The following TREH variants were observed in gnomAD, a reference collection of about 807,000 sequenced individuals.
TREH encodes the protein trehalase, also known as alpha,alpha-trehalose glucohydrolase.
In TREH, 69 loss-of-function variants were observed where a neutral mutation model predicts 80.5. The ratio of observed to expected loss-of-function variants is 0.86; its 90% CI spans 0.71 to 1.05. TREH has a LOEUF of 1.05. Ranked by LOEUF, TREH falls within the 50% of genes least tolerant of loss-of-function variation. The pLI is 0.00. For missense variants in TREH, 716 were observed against 718.8 expected (o/e 1.00, Z 0.04); for synonymous variants, 309 against 293.5 (o/e 1.05, Z -0.54).
At position 118,658,980 on chromosome 11, in the gene TREH, C is replaced by T. The variant is rs368389111; in HGVS notation, c.1470G>A (p.Val490=). 88 of 1,613,790 alleles carry T rather than the reference C, an allele frequency of 5.5e-5. No homozygotes were observed. Among genetic ancestry groups the T allele is most frequent in the Non-Finnish European group, 7.4e-5 (87 of 1,179,890 alleles). ...TCCAATTCTGAGCCAGCTGGAAAGCCACTTCCTGGGCCCGACGTAAAGGTG... is the reference window on the plus strand; with the variant it reads ...TCCAATTCTGAGCCAGCTGGAAAGCTACTTCCTGGGCCCGACGTAAAGGTG... ...AKAPLRRAQE[V]AFQLAQNWIR... is the part of the protein sequence containing the mutation. Residue 490 remains valine (V), a synonymous_variant, in exon 13 of 15, where the codon GTG becomes GTA. Coordinates refer to ENST00000264029, the MANE Select transcript of TREH (RefSeq NM_007180.3).
In TREH at chr11:118,663,189, G is replaced by C; in HGVS notation, c.198C>G (p.Val66=). ...DMPLSIAPEQ[V]LQTFTELSRD... is the part of the protein sequence containing the mutation. ...TGGACAGCTCAGTGAAGGTCTGCAG[G>C]ACTTGTTCTGGAGAGCAGGCAGCAG... The change falls in exon 3 of 15, where the codon GTC becomes GTG. Residue 66 remains valine (V), a synonymous_variant. Transcript: ENST00000264029. The C allele has an allele frequency of 6.2e-7, 1 of 1,609,136 alleles. No individual in the cohort carries two copies. The highest frequency in any genetic ancestry group is 8.5e-7 in the Non-Finnish European group (1 of 1,177,656).
intron 1 of TREH, among the ~76,000 whole-genome samples, chr11:118,675,491 A>T (rs1423880421): frequency 6.6e-6 from 1 of 152,096 alleles, no homozygotes; most frequent in African/African-American, 2.4e-5. Flanking sequence ...TGCTAGAACA[A>T]CTCACAGGAC....
Position 118,659,913 on chromosome 11 carries a change from G to A in TREH, c.1154C>T (p.Ala385Val). ...KYRILRSQRL[A>V]ALNTVLWDEQ... ...ATCCCACAGGACTGTGTTCAGGGCG[G>A]CCAAGCGCTGCGACCGCAGGATTCT... The change falls in exon 11 of 15, where the codon GCC (alanine) becomes GTC (valine). Residue 385 changes from alanine (A) to valine (V), a missense_variant. By Grantham distance (64) the Ala-to-Val change is moderately conservative (BLOSUM62 0). Coordinates refer to ENST00000264029, the MANE Select transcript of TREH (RefSeq NM_007180.3). 6.4e-7 allele frequency: 1 copy of A among 1,551,730 alleles called. No homozygotes were observed. Among genetic ancestry groups the A allele is most frequent in the South Asian group, 1.2e-5 (1 of 84,066 alleles).
intron 1 of TREH, among the ~76,000 whole-genome samples, chr11:118,664,117 G>C (rs1213372912): frequency 6.6e-6 from 1 of 152,164 alleles, no homozygotes; most frequent in Admixed American, 6.5e-5. Flanking sequence ...TCAGGAGCAG[G>C]AAGCCTCTTT....
chr11:118,675,698 ATTTGT>A (rs1305871593), intron 1 of TREH, among the ~76,000 whole-genome samples: 2 of 151,824 alleles, frequency 1.3e-5, no homozygotes, highest in Non-Finnish European at 2.9e-5. Flanking sequence ...CTTGGTATTT[ATTTGT>A]TTTATTTGTT....
intron 1 of TREH, among the ~76,000 whole-genome samples, chr11:118,679,200 G>C (rs986256238): frequency 5.3e-5 from 8 of 152,118 alleles, no homozygotes; most frequent in Non-Finnish European, 1.2e-4. Context: ...GGCTGGGCGT[G>C]GTGGTGCATG....
chr11:118,664,385 T>C (rs1414902596), intron 1 of TREH, among the ~76,000 whole-genome samples: 9 of 152,244 alleles, frequency 5.9e-5, no homozygotes, highest in African/African-American at 2.2e-4. Flanking sequence ...AAAGCCCCTG[T>C]GTTTGGGTTT....
chr11:118,667,491 G>C (rs2137274952), intron 1 of TREH, among the ~76,000 whole-genome samples: 1 of 152,278 alleles, frequency 6.6e-6, no homozygotes, highest in South Asian at 2.1e-4. Flanking sequence ...ATGTGGGCCA[G>C]CATGCCCAGC....
intron 11 of TREH, 124 bp from the exon 12 acceptor site, chr11:118,659,605 G>A: frequency 7.4e-7 from 1 of 1,345,008 alleles, no homozygotes; most frequent in Non-Finnish European, 1.0e-6. Context: ...GCTCACAGCT[G>A]CCCCCCGGTG....
rs1949514179 is a variant in TREH at position 118,679,585 on chromosome 11, C to T, written c.43G>A (p.Gly15Arg). ...TWELCLLLLL[G>R]LGLGSQEALP... ...GCCTCCTGGGACCCCAGTCCCAGCC[C>T]CAGCAGCAGTAGCAGGCACAGCTCC... The change falls in exon 1 of 15, where the codon GGG (glycine) becomes AGG (arginine). Residue 15 changes from glycine to arginine, a missense_variant. Physicochemically the swap from Gly to Arg is moderately radical, Grantham distance 125 (BLOSUM62 -2). Coordinates refer to ENST00000264029, the MANE Select transcript of TREH (RefSeq NM_007180.3). 6.4e-7 allele frequency: 1 copy of T among 1,555,030 alleles called. No homozygotes were observed. The highest frequency in any genetic ancestry group is 8.7e-7 in the Non-Finnish European group (1 of 1,147,324).
In TREH at chr11:118,659,871, C is replaced by G. The variant is rs782354956; in HGVS notation, c.1196G>C (p.Trp399Ser). ...TVLWDEQTGA[W>S]FDYDLEKKKK... ...CTTCTTCTCAAGGTCGTAATCGAACCAGGCTCCGGTCTGCTCATCCCACAG... is the reference window on the plus strand; with the variant it reads ...CTTCTTCTCAAGGTCGTAATCGAACGAGGCTCCGGTCTGCTCATCCCACAG... The change falls in exon 11 of 15, where the codon TGG (tryptophan) becomes TCG (serine). Residue 399 changes from tryptophan to serine, a missense_variant. By Grantham distance (177) the Trp-to-Ser change is radical. Transcript: ENST00000264029. The G allele has an allele frequency of 6.4e-7, 1 of 1,552,524 alleles. No individual in the cohort carries two copies. The highest frequency in any genetic ancestry group is 1.2e-5 in the South Asian group (1 of 84,086).
At chr11:118,659,503 C>G (rs149499402) in intron 11 of TREH, 22 bp from the exon 12 acceptor site, 87 of 1,540,376 alleles carry the variant, frequency 5.6e-5, no homozygotes, top group Admixed American at 1.2e-4. Flanking sequence ...CAGACATTCC[C>G]ATGACTGTGG....
chr11:118,675,083 A>G (rs1285326045), intron 1 of TREH, among the ~76,000 whole-genome samples: 1 of 152,028 alleles, frequency 6.6e-6, no homozygotes, highest in East Asian at 1.9e-4. Flanking sequence ...TTAGTGATCA[A>G]TCACCTCTAA....
chr11:118,666,193 G>A (rs1477435120), intron 1 of TREH, among the ~76,000 whole-genome samples: 4 of 151,748 alleles, frequency 2.6e-5, no homozygotes, highest in Non-Finnish European at 5.9e-5. Flanking sequence ...GTATTGCACC[G>A]CTGCACTGCA....
Position 118,658,462 on chromosome 11 carries a change from G to C in TREH, c.1600-21C>G, listed in dbSNP as rs782148096. ...CCCTCCTGGGAGAGGCAGGGCAGTG[G>C]GGCCAGTTTCTGGGGAAGCCTCATA... On this transcript the variant is annotated intron_variant, in intron 14 of 14. Transcript: ENST00000264029. 4 of 1,609,024 alleles carry C rather than the reference G, an allele frequency of 2.5e-6. No homozygotes were observed. In the South Asian group the frequency reaches 3.3e-5, roughly 13 times the overall value.
In TREH at chr11:118,659,982, T is replaced by G. The variant is rs1262972859; in HGVS notation, c.1103-18A>C. ...GTCGTTCCCTGGGGCAGTGCTGCCT[T>G]TAGAGCCAGCAGCCAGTGCCCTGCC... On this transcript the variant is annotated intron_variant, in intron 10 of 14. Transcript: ENST00000264029. 6.5e-7 allele frequency: 1 copy of G among 1,548,992 alleles called. No individual in the cohort carries two copies. Among genetic ancestry groups the G allele is most frequent in the Admixed American group, 2.0e-5 (1 of 50,954 alleles).
At chr11:118,676,531 G>A (rs886703297) in intron 1 of TREH, among the ~76,000 whole-genome samples, 13 of 149,790 alleles carry the variant, frequency 8.7e-5, no homozygotes, top group Non-Finnish European at 4.4e-5. Flanking sequence ...ACTTTGGGAG[G>A]CCAAGGTGGG....
At chr11:118,662,067 G>A (rs1555145130) in intron 4 of TREH, 77 bp from the exon 5 acceptor site, 3 of 1,172,716 alleles carry the variant, frequency 2.6e-6, no homozygotes, top group South Asian at 1.3e-5. Flanking sequence ...GGGGATCTGA[G>A]GCCCCGGGAG....
rs561966842 is a variant in TREH, at chr11:118,663,129, C to G, written c.258G>C (p.Leu86=). Residue 86 remains leucine (L), a synonymous_variant, in exon 3 of 15, where the codon CTG becomes CTC. Coordinates refer to ENST00000264029, the MANE Select transcript of TREH (RefSeq NM_007180.3). ...GGAAGTGTTCGTGGACAAACGCCTG[C>G]AGCTGCTCCCTGGGGATGCTGTGAT... is the stretch of plus-strand genomic sequence containing the variant. ...DHNHSIPREQ[L]QAFVHEHFQA... is the part of the protein sequence containing the mutation. 1 of 1,613,864 alleles carries G rather than the reference C, an allele frequency of 6.2e-7. No homozygotes were observed. The highest frequency in any genetic ancestry group is 1.3e-5 in the African/African-American group (1 of 74,926).
Sources: gnomAD v4.1 joint callset for allele counts (sites outside exome capture counted in the v4.1 genomes callset) on GRCh38, gnomAD v4.1.1 for gene constraint, MANE v1.5 for transcripts, NCBI Gene and HGNC (gene_info 2026-07-23, HGNC 2026-07-21) for gene names.